The following CTNND2 variants were observed in gnomAD, a reference collection of about 807,000 sequenced individuals.
CTNND2 encodes the protein catenin delta 2.
Under a neutral mutation model 144.4 loss-of-function variants are expected in CTNND2, and 22 were observed. That is an observed-to-expected ratio of 0.15 (90% CI 0.11 to 0.22). CTNND2 has a LOEUF of 0.22. Among genes scored for constraint, CTNND2 ranks in the 10% least tolerant of loss-of-function variants. The pLI, the probability that CTNND2 is intolerant of heterozygous loss-of-function variation, is 1.00. For missense variants in CTNND2, 1,353 were observed against 1,618.8 expected (o/e 0.84, Z 2.82); for synonymous variants, 751 against 695.6 (o/e 1.08, Z -1.25).
chr5:11,765,644 G>A (rs6881813), intron 1 of CTNND2, among the ~76,000 whole-genome samples: 123,927 of 152,034 alleles, frequency 0.82, 54,917 homozygotes, highest in Non-Finnish European at 0.98. Context: ...TCGAACTCTC[G>A]GCAGAGCTAT....
At position 10,988,251 on chromosome 5, in the gene CTNND2, A is replaced by G. The variant is rs1478476134; in HGVS notation, c.3212-9T>C. 7.4e-6 allele frequency: 12 copies of G among 1,613,992 alleles called. No homozygotes were observed. The highest frequency in any genetic ancestry group is 1.0e-5 in the Non-Finnish European group (12 of 1,179,966). On this transcript the variant is annotated splice_polypyrimidine_tract_variant and intron_variant, in intron 19 of 21. Transcript: ENST00000304623. This position sits in a 1 kb window ranked among gnomAD's most constrained non-coding sequence, Gnocchi z 5.9. The stretch of plus-strand genomic sequence containing the variant: ...TGAAGCTGGGGCACTTGCTACATAA[A>G]GAAATCAAAAGGGGGATTTTCTGCA...
chr5:11,172,508 G>T (rs1560967028), intron 11 of CTNND2, among the ~76,000 whole-genome samples: 1 of 152,180 alleles, frequency 6.6e-6, no homozygotes, highest in African/African-American at 2.4e-5. Context: ...AACCACTAAA[G>T]AATTCAATCT....
At chr5:11,254,395 T>C (rs1743993882) in intron 9 of CTNND2, among the ~76,000 whole-genome samples, 1 of 150,856 alleles carries the variant, frequency 6.6e-6, no homozygotes, top group Non-Finnish European at 1.5e-5. Context: ...TACCTGAATG[T>C]GTCTGGGCAC....
At chr5:11,546,575 T>C (rs1411481509) in intron 3 of CTNND2, among the ~76,000 whole-genome samples, 2 of 152,140 alleles carry the variant, frequency 1.3e-5, no homozygotes, top group African/African-American at 4.8e-5. Context: ...CACTTCTATA[T>C]AAAACAGAAA....
chr5:11,795,023 T>C (rs1247583065), intron 1 of CTNND2, among the ~76,000 whole-genome samples: 1 of 152,190 alleles, frequency 6.6e-6, no homozygotes, highest in African/African-American at 2.4e-5. Context: ...TTTCACAACC[T>C]TATGCAATTG....
chr5:11,112,811 T>C (rs1753138025), intron 13 of CTNND2, among the ~76,000 whole-genome samples: 1 of 152,174 alleles, frequency 6.6e-6, no homozygotes, highest in Non-Finnish European at 1.5e-5. Flanking sequence ...TTTCTGTACT[T>C]CTATTTCCTC....
At chr5:11,101,204 A>G (rs900948161) in intron 14 of CTNND2, among the ~76,000 whole-genome samples, 2 of 152,230 alleles carry the variant, frequency 1.3e-5, no homozygotes, top group Non-Finnish European at 2.9e-5. Context: ...CTTTATTCAA[A>G]CTTTTATTAA....
intron 3 of CTNND2, among the ~76,000 whole-genome samples, chr5:11,545,109 A>G (rs1295950483): frequency 7.3e-6 from 1 of 136,928 alleles, no homozygotes; most frequent in East Asian, 2.3e-4. Context: ...CAACAGAGCG[A>G]GACTCCGTCT....
At chr5:11,619,876 A>G (rs1309039417) in intron 2 of CTNND2, among the ~76,000 whole-genome samples, 4 of 152,168 alleles carry the variant, frequency 2.6e-5, no homozygotes, top group Non-Finnish European at 1.5e-5. Flanking sequence ...GGGTATTTAA[A>G]TCACTCACAG....
At chr5:11,382,327 G>A (rs531229867) in intron 7 of CTNND2, among the ~76,000 whole-genome samples, 2 of 152,122 alleles carry the variant, frequency 1.3e-5, no homozygotes, top group African/African-American at 2.4e-5. Context: ...GGCTAGGTGC[G>A]GTGGCTAAGG....
chr5:11,428,182 G>A (rs1026034235), intron 3 of CTNND2, among the ~76,000 whole-genome samples: 6 of 152,142 alleles, frequency 3.9e-5, no homozygotes, highest in Non-Finnish European at 7.4e-5. Context: ...TGGGGACACA[G>A]CCAAACCATA....
At chr5:11,292,877 G>T (rs1748506711) in intron 9 of CTNND2, among the ~76,000 whole-genome samples, 1 of 152,130 alleles carries the variant, frequency 6.6e-6, no homozygotes, top group African/African-American at 2.4e-5. Flanking sequence ...CTTTCAGAGG[G>T]AATCTGGCCC....
chr5:11,271,313 G>A (rs1271026643), intron 9 of CTNND2, among the ~76,000 whole-genome samples: 1 of 152,120 alleles, frequency 6.6e-6, no homozygotes. Flanking sequence ...ATAAATTAAT[G>A]TATGAGAACT....
intron 9 of CTNND2, among the ~76,000 whole-genome samples, chr5:11,288,855 A>G (rs1748017888): frequency 6.6e-6 from 1 of 152,180 alleles, no homozygotes; most frequent in Admixed American, 6.5e-5. Context: ...AAAGGAAAAA[A>G]AAAAAGAAAA....
At chr5:11,899,690 G>T (rs1489026691) in intron 1 of CTNND2, among the ~76,000 whole-genome samples, 1 of 152,112 alleles carries the variant, frequency 6.6e-6, no homozygotes, top group East Asian at 1.9e-4. Flanking sequence ...CATAAATTTT[G>T]TAATTTACAA....
intron 16 of CTNND2, among the ~76,000 whole-genome samples, chr5:11,046,048 G>C (rs1219951477): frequency 3.3e-5 from 5 of 152,050 alleles, no homozygotes; most frequent in Non-Finnish European, 7.4e-5. Context: ...GTGTGGGATG[G>C]GGTGGAAACG....
At chr5:11,162,392 C>G (rs7715051) in intron 11 of CTNND2, among the ~76,000 whole-genome samples, 49,319 of 151,986 alleles carry the variant, frequency 0.32, 9,511 homozygotes, top group Non-Finnish European at 0.45. Context: ...TCTGGAATAT[C>G]TTTTTATAGG....
At chr5:11,557,697 T>G (rs552600947) in intron 3 of CTNND2, among the ~76,000 whole-genome samples, 1 of 152,278 alleles carries the variant, frequency 6.6e-6, no homozygotes, top group East Asian at 1.9e-4. Context: ...TAAAATAACC[T>G]AATTAGGAGA....
At chr5:11,871,954 T>C (rs984692376) in intron 1 of CTNND2, among the ~76,000 whole-genome samples, 7 of 152,272 alleles carry the variant, frequency 4.6e-5, no homozygotes, top group African/African-American at 1.7e-4. Flanking sequence ...ATGTGCAGAA[T>C]ACACGTGCCA....
Sources: gnomAD v4.1 joint callset for allele counts (sites outside exome capture counted in the v4.1 genomes callset) on GRCh38, gnomAD v4.1.1 for gene constraint, Gnocchi (gnomAD v3.1) non-coding constraint, MANE v1.5 for transcripts, NCBI Gene and HGNC (gene_info 2026-07-23, HGNC 2026-07-21) for gene names.